The following ONECUT2 variants were observed in gnomAD, a reference collection of about 807,000 sequenced individuals.
The protein encoded by ONECUT2 is one cut homeobox 2.
ONECUT2 carries 10 observed loss-of-function variants against 27.9 expected under a neutral mutation model. The ratio of observed to expected loss-of-function variants is 0.36; its 90% CI spans 0.22 to 0.61. The LOEUF (loss-of-function observed/expected upper bound fraction) is 0.61. Among genes scored for constraint, ONECUT2 ranks in the 20% least tolerant of loss-of-function variants. ONECUT2 has a pLI of 0.73. For missense variants in ONECUT2, 686 were observed against 721.0 expected (o/e 0.95, Z 0.56); for synonymous variants, 334 against 315.1 (o/e 1.06, Z -0.64).
intron 1 of ONECUT2, among the ~76,000 whole-genome samples, chr18:57,438,056 A>G (rs994253400): frequency 6.6e-6 from 1 of 152,114 alleles, no homozygotes; most frequent in Non-Finnish European, 1.5e-5. Context: ...ACAGCCCTCT[A>G]TTGTTCTAGG....
intron 1 of ONECUT2, among the ~76,000 whole-genome samples, chr18:57,469,912 G>T (rs2050344126): frequency 1.3e-5 from 2 of 152,186 alleles, no homozygotes; most frequent in Admixed American, 6.5e-5. Flanking sequence ...TGGCTGACAA[G>T]GAGTAGGAAA....
At chr18:57,439,239 A>T (rs756465016) in intron 1 of ONECUT2, among the ~76,000 whole-genome samples, 22 of 152,102 alleles carry the variant, frequency 1.4e-4, no homozygotes, top group Non-Finnish European at 2.1e-4. Context: ...CCTCAGCCCC[A>T]CCCGCGCCCA....
In ONECUT2 at chr18:57,435,834, A is replaced by G; in HGVS notation, c.118A>G (p.Ser40Gly). 1 of 1,069,980 alleles carries G rather than the reference A, an allele frequency of 9.3e-7. No homozygotes were observed. The highest frequency in any genetic ancestry group is 1.2e-6 in the Non-Finnish European group (1 of 868,622). The allele number at this position is 1,069,980 out of a possible 1,614,324, so 66.3% of individuals were successfully genotyped here. The change falls in exon 1 of 2, where the codon AGT becomes GGT. Residue 40 changes from serine (S) to glycine (G), a missense_variant. Ser to Gly is a moderately conservative substitution (Grantham distance 56, BLOSUM62 0). Transcript: ENST00000491143. Reference protein sequence around the residue: ...GTLHGPAGGGSGGGGGGGGGG... With the variant: ...GTLHGPAGGGGGGGGGGGGGG... ...TTTGCACGGGCCGGCCGGCGGCGGC[A>G]GTGGCGGGGGCGGCGGCGGGGGCGG...
chr18:57,473,786 T>A (rs971420647), intron 1 of ONECUT2, among the ~76,000 whole-genome samples: 5 of 152,196 alleles, frequency 3.3e-5, no homozygotes, highest in African/African-American at 1.2e-4. Context: ...GGACTTCAGA[T>A]TGAGCAAGAG....
intron 1 of ONECUT2, among the ~76,000 whole-genome samples, chr18:57,452,221 A>G (rs2050234419): frequency 6.6e-6 from 1 of 152,100 alleles, no homozygotes; most frequent in Non-Finnish European, 1.5e-5. Context: ...CTTCTCGACT[A>G]GATCATAGCA....
At position 57,484,926 on chromosome 18, in the gene ONECUT2, T is replaced by A. The variant is rs887906526; in HGVS notation, c.*8203T>A. ...AGGGACTGGGGTTTATCTCTTAACA[T>A]TTTCAGCTGTAAAATTAGTCACAAG... On this transcript the variant is annotated 3_prime_UTR_variant, in exon 2 of 2. Coordinates refer to ENST00000491143, the MANE Select transcript of ONECUT2 (RefSeq NM_004852.3). 1 of 152,166 alleles carries A rather than the reference T, an allele frequency of 6.6e-6. No individual in the cohort carries two copies. The highest frequency in any genetic ancestry group is 2.4e-5 in the African/African-American group (1 of 41,452). 9.4% of individuals were successfully genotyped at this position (152,166 alleles called of 1,614,324 possible).
chr18:57,472,576 G>C (rs1400933307), intron 1 of ONECUT2, among the ~76,000 whole-genome samples: 2 of 152,184 alleles, frequency 1.3e-5, no homozygotes, highest in Non-Finnish European at 2.9e-5. Flanking sequence ...CTTTGCATTT[G>C]TTGCTGTGGC....
intron 1 of ONECUT2, among the ~76,000 whole-genome samples, chr18:57,469,611 G>A (rs1346388880): frequency 6.6e-6 from 1 of 152,190 alleles, no homozygotes; most frequent in Non-Finnish European, 1.5e-5. Flanking sequence ...GCTGGGAATT[G>A]GCTATGAGAC....
chr18:57,463,491 G>A (rs2050304060), intron 1 of ONECUT2, among the ~76,000 whole-genome samples: 1 of 152,034 alleles, frequency 6.6e-6, no homozygotes, highest in South Asian at 2.1e-4. Context: ...CCTCTTGAAA[G>A]GAAGGAAAGA....
chr18:57,456,506 T>G (rs916776247), intron 1 of ONECUT2, among the ~76,000 whole-genome samples: 1 of 152,230 alleles, frequency 6.6e-6, no homozygotes, highest in Non-Finnish European at 1.5e-5. Context: ...AGACAAATAC[T>G]ATATGATTTC....
chr18:57,487,354 T>C lies in ONECUT2; in HGVS notation c.*10631T>C, dbSNP rs4306605. 6.6e-6 allele frequency: 1 copy of C among 152,190 alleles called. No homozygotes were observed. The highest frequency in any genetic ancestry group is 2.4e-5 in the African/African-American group (1 of 41,442). 9.4% of individuals were successfully genotyped at this position (152,190 alleles called of 1,614,324 possible). On this transcript the variant is annotated 3_prime_UTR_variant, in exon 2 of 2. Transcript: ENST00000491143. ...AAAACTCACCTTTGCATATTTAATT[T>C]CCACCAAAAGGAGTTATTTTGGCTT...
chr18:57,463,495 G>A (rs910007424), intron 1 of ONECUT2, among the ~76,000 whole-genome samples: 3 of 152,044 alleles, frequency 2.0e-5, no homozygotes, highest in African/African-American at 7.2e-5. Flanking sequence ...TTGAAAGGAA[G>A]GAAAGAAGGA....
Position 57,479,055 on chromosome 18 carries a change from T to C in ONECUT2, c.*2332T>C, listed in dbSNP as rs1446792945. The C allele has an allele frequency of 3.3e-5, 5 of 152,744 alleles. No individual in the cohort carries two copies. In the East Asian group the frequency reaches 7.7e-4, roughly 24 times the overall value. The allele number at this position is 152,744 out of a possible 1,614,324, so 9.5% of individuals were successfully genotyped here. A position where few individuals can be genotyped will look rare whatever the true frequency, so the allele number is the denominator to read the frequency against. On this transcript the variant is annotated 3_prime_UTR_variant, in exon 2 of 2. Coordinates refer to ENST00000491143, the MANE Select transcript of ONECUT2 (RefSeq NM_004852.3). ...GAATAACATTATCACTTGAATGTTCTTTGCTTAACCCTTAGACTTGGTTCC... is the reference window on the plus strand; with the variant it reads ...GAATAACATTATCACTTGAATGTTCCTTGCTTAACCCTTAGACTTGGTTCC...
rs546797069 is a variant in ONECUT2 at position 57,485,303 on chromosome 18, C to T, written c.*8580C>T. 3 of 152,250 alleles carry T rather than the reference C, an allele frequency of 2.0e-5. No individual in the cohort carries two copies. Among genetic ancestry groups the T allele is most frequent in the African/African-American group, 7.2e-5 (3 of 41,548 alleles). The allele number at this position is 152,250 out of a possible 1,614,324, so 9.4% of individuals were successfully genotyped here. ...TGTTTACATTTCATTTCTAAGCCAA[C>T]TCTGTATTTATGAGAGAAGTTTAAG... On this transcript the variant is annotated 3_prime_UTR_variant, in exon 2 of 2. Transcript: ENST00000491143.
chr18:57,474,512 G>C (rs1317562655), intron 1 of ONECUT2, among the ~76,000 whole-genome samples: 1 of 152,192 alleles, frequency 6.6e-6, no homozygotes, highest in Non-Finnish European at 1.5e-5. Context: ...GATAGTCTGT[G>C]TCCTGGTTCA....
intron 1 of ONECUT2, among the ~76,000 whole-genome samples, chr18:57,462,723 C>CTTTTTTTTTTTTTTT (rs57032206): frequency 4.3e-5 from 3 of 68,996 alleles, no homozygotes; most frequent in African/African-American, 5.9e-5. Flanking sequence ...TATTTTCTTT[C>CTTTTTTTTTTTTTTT]TTTTTTTTTT....
At position 57,479,368 on chromosome 18, in the gene ONECUT2, A is replaced by G. The variant is rs1300515215; in HGVS notation, c.*2645A>G. On this transcript the variant is annotated 3_prime_UTR_variant, in exon 2 of 2. Coordinates refer to ENST00000491143, the MANE Select transcript of ONECUT2 (RefSeq NM_004852.3). ...TATAATATATAAAATACATATATAG[A>G]TCAACTTGACATTGGTGATAACCAA... 6.6e-6 allele frequency: 1 copy of G among 152,618 alleles called. No individual in the cohort carries two copies. Among genetic ancestry groups the G allele is most frequent in the African/African-American group, 2.4e-5 (1 of 41,456 alleles). 9.5% of individuals were successfully genotyped at this position (152,618 alleles called of 1,614,324 possible).
rs141675639 is a variant in ONECUT2, at chr18:57,477,799, C to G, written c.*1076C>G. 1 of 152,588 alleles carries G rather than the reference C, an allele frequency of 6.6e-6. No individual in the cohort carries two copies. Among genetic ancestry groups the G allele is most frequent in the African/African-American group, 2.4e-5 (1 of 41,526 alleles). 9.5% of individuals were successfully genotyped at this position (152,588 alleles called of 1,614,324 possible). ...TGTTATGACCACCACGTAATCCATTCTCGCTCTTTCTGATTTGGGGTTTTT... is the reference window on the plus strand; with the variant it reads ...TGTTATGACCACCACGTAATCCATTGTCGCTCTTTCTGATTTGGGGTTTTT... On this transcript the variant is annotated 3_prime_UTR_variant, in exon 2 of 2. Transcript: ENST00000491143.
At chr18:57,461,000 G>A (rs1002906436) in intron 1 of ONECUT2, among the ~76,000 whole-genome samples, 10 of 152,198 alleles carry the variant, frequency 6.6e-5, no homozygotes, top group African/African-American at 2.2e-4. Flanking sequence ...CTTTATTTAT[G>A]TCCTCAGCAA....
Sources: gnomAD v4.1 joint callset for allele counts (sites outside exome capture counted in the v4.1 genomes callset) on GRCh38, gnomAD v4.1.1 for gene constraint, MANE v1.5 for transcripts, NCBI Gene and HGNC (gene_info 2026-07-23, HGNC 2026-07-21) for gene names.